Variants in PHF14 observed in about 807,000 individuals in gnomAD.
PHF14 encodes the protein PHD finger protein 14.
In PHF14, 55 loss-of-function variants were observed where a neutral mutation model predicts 117.9. The ratio of observed to expected loss-of-function variants is 0.47; its 90% CI spans 0.38 to 0.58. PHF14 has a LOEUF of 0.58. PHF14 is among the 20% of genes least tolerant of loss of function. The pLI, the probability that PHF14 is intolerant of heterozygous loss-of-function variation, is 0.00. For synonymous variants in PHF14, 409 were observed against 368.6 expected (o/e 1.11, Z -1.26); for missense variants, 978 against 1,122.2 (o/e 0.87, Z 1.84).
chr7:11,146,926 A>C (rs1314203432), intron 17 of PHF14, among the ~76,000 whole-genome samples: 1 of 152,154 alleles, frequency 6.6e-6, no homozygotes, highest in Non-Finnish European at 1.5e-5. Flanking sequence ...AGCTCACTGC[A>C]GCCTCAACTT....
intron 3 of PHF14, 54 bp downstream of exon 3, chr7:10,983,213 C>G: frequency 6.5e-7 from 1 of 1,532,344 alleles, no homozygotes; most frequent in Admixed American, 1.9e-5. Flanking sequence ...GAATTCTTCT[C>G]TAAATCACTC....
At chr7:11,106,922 G>A (rs950586134) in intron 16 of PHF14, 1 of 983,458 alleles carries the variant, frequency 1.0e-6, no homozygotes. Context: ...TGTTCCATTG[G>A]CATAAAAGAT....
intron 5 of PHF14, chr7:11,014,975 C>A (rs1380630218): frequency 6.8e-6 from 1 of 146,574 alleles, no homozygotes; most frequent in African/African-American, 2.6e-5. Context: ...TCGTGGAGAT[C>A]ACGCTCTGCC....
chr7:11,152,994 T>C (rs1326809013), intron 17 of PHF14, among the ~76,000 whole-genome samples: 3 of 152,164 alleles, frequency 2.0e-5, no homozygotes, highest in East Asian at 3.9e-4. Flanking sequence ...CAGAAGGGCC[T>C]GATGATGTAC....
At chr7:11,061,023 G>A (rs766359586) in intron 14 of PHF14, among the ~76,000 whole-genome samples, 12 of 152,110 alleles carry the variant, frequency 7.9e-5, no homozygotes, top group Non-Finnish European at 1.6e-4. Context: ...CTTGATCTCA[G>A]CTGTCAAAGT....
At chr7:11,056,019 C>G (rs1464134891) in intron 14 of PHF14, among the ~76,000 whole-genome samples, 1 of 152,084 alleles carries the variant, frequency 6.6e-6, no homozygotes, top group Non-Finnish European at 1.5e-5. Context: ...CCAGAGTTTT[C>G]TATTATCAGA....
At position 11,022,872 on chromosome 7, in the gene PHF14, G is replaced by A. The variant is rs755822507; in HGVS notation, c.1210G>A (p.Val404Ile). The change falls in exon 6 of 18, where the codon GTT (valine) becomes ATT (isoleucine). Residue 404 changes from valine to isoleucine, a missense_variant. Coordinates refer to ENST00000634607, the MANE Select transcript of PHF14 (RefSeq NM_001007157.2). ...IFKETDAGRW[V>I]HIVCALYVPG... ...AATCATATCTTCTCTTCTTAGATGG[G>A]TTCATATTGTTTGTGCCCTGTATGT... 2 of 1,576,022 alleles carry A rather than the reference G, an allele frequency of 1.3e-6. No homozygotes were observed. The highest frequency in any genetic ancestry group is 8.7e-7 in the Non-Finnish European group (1 of 1,150,610).
At chr7:11,008,808 G>T (rs1783227279) in intron 4 of PHF14, among the ~76,000 whole-genome samples, 1 of 152,056 alleles carries the variant, frequency 6.6e-6, no homozygotes, top group South Asian at 2.1e-4. Flanking sequence ...GGCTGAGGTG[G>T]GTGGATCACG....
At position 10,973,932 on chromosome 7, in the gene PHF14, T is replaced by C. The variant is rs1781769452; in HGVS notation, c.-392T>C. The C allele has an allele frequency of 5.2e-6, 1 of 191,810 alleles. No individual in the cohort carries two copies. Among genetic ancestry groups the C allele is most frequent in the Non-Finnish European group, 1.1e-5 (1 of 91,496 alleles). 11.9% of individuals were successfully genotyped at this position (191,810 alleles called of 1,614,324 possible). ...TCCCTATTGTCTGAGGCAGCCGCCC[T>C]CGCGCTGTGCAATTTCTGGTCTTTC... On this transcript the variant is annotated 5_prime_UTR_variant, in exon 1 of 18. Coordinates refer to ENST00000634607, the MANE Select transcript of PHF14 (RefSeq NM_001007157.2).
At chr7:11,136,451 T>C (rs1370392666) in intron 17 of PHF14, among the ~76,000 whole-genome samples, 3 of 152,202 alleles carry the variant, frequency 2.0e-5, no homozygotes, top group African/African-American at 4.8e-5. Flanking sequence ...ATCTGTACTA[T>C]GAATGAATCC....
chr7:11,110,235 C>A (rs993266793), intron 16 of PHF14: 2 of 151,714 alleles, frequency 1.3e-5, no homozygotes, highest in African/African-American at 4.8e-5. Context: ...TAACTTTAAT[C>A]AAGTAATATA....
At chr7:11,095,456 A>C (rs1223092566) in intron 16 of PHF14, among the ~76,000 whole-genome samples, 1 of 152,090 alleles carries the variant, frequency 6.6e-6, no homozygotes, top group Non-Finnish European at 1.5e-5. Flanking sequence ...TAATTAACTC[A>C]ATTTCCTCTG....
chr7:11,089,761 C>CTTTTT (rs71023888), intron 16 of PHF14, among the ~76,000 whole-genome samples: 1 of 97,894 alleles, frequency 1.0e-5, no homozygotes. Context: ...TTCATGCATT[C>CTTTTT]TTTTTTTTTT....
At chr7:11,081,933 A>T (rs188994040) in intron 16 of PHF14, among the ~76,000 whole-genome samples, 30 of 151,978 alleles carry the variant, frequency 2.0e-4, no homozygotes, top group Non-Finnish European at 1.6e-4. Context: ...CTCTATCTTC[A>T]TAGGTTTTTG....
chr7:11,155,669 A>G (rs1788821312), intron 17 of PHF14, among the ~76,000 whole-genome samples: 1 of 152,176 alleles, frequency 6.6e-6, no homozygotes, highest in African/African-American at 2.4e-5. Flanking sequence ...TGAATGTGTC[A>G]TAATTGCAAT....
intron 16 of PHF14, among the ~76,000 whole-genome samples, chr7:11,089,387 G>T (rs1786552889): frequency 6.6e-6 from 1 of 152,098 alleles, no homozygotes; most frequent in African/African-American, 2.4e-5. Context: ...ACACACCGTG[G>T]TTTCTCTAAA....
At chr7:10,988,598 C>T (rs1268479051) in intron 3 of PHF14, among the ~76,000 whole-genome samples, 5 of 139,362 alleles carry the variant, frequency 3.6e-5, no homozygotes, top group Non-Finnish European at 7.6e-5. Flanking sequence ...TTGGACTTAC[C>T]GTGGGGATGA....
chr7:11,063,322 C>T (rs1478059934), intron 16 of PHF14: 1 of 983,524 alleles, frequency 1.0e-6, no homozygotes, highest in Non-Finnish European at 1.2e-6. Context: ...GGAGATACAC[C>T]TGAATAATTC....
intron 17 of PHF14, among the ~76,000 whole-genome samples, chr7:11,146,561 G>A (rs1015201856): frequency 1.3e-5 from 2 of 152,146 alleles, no homozygotes; most frequent in African/African-American, 4.8e-5. Flanking sequence ...ATCATGTAGA[G>A]ATAATTCTTA....
Sources: allele counts gnomAD v4.1 joint callset (sites outside exome capture counted in the v4.1 genomes callset), GRCh38; gene constraint gnomAD v4.1.1; transcripts MANE v1.5; gene names NCBI Gene and HGNC (gene_info 2026-07-23, HGNC 2026-07-21).